PKM: variants seen among roughly 807,000 people sequenced by gnomAD.
The protein encoded by PKM is pyruvate kinase PKM.
Under a neutral mutation model 49.8 loss-of-function variants are expected in PKM, and 18 were observed. The observed-to-expected ratio is 0.36, with a 90% CI of 0.25 to 0.54. The LOEUF is 0.54. Ranked by LOEUF, PKM falls within the 20% of genes least tolerant of loss-of-function variation. The pLI is 0.89. For missense variants in PKM, 508 were observed against 713.8 expected, an observed-to-expected ratio of 0.71 and a Z score of 3.28; for synonymous variants, 239 against 261.8, an observed-to-expected ratio of 0.91 and a Z score of 0.84.
At chr15:72,199,956 C>T (rs541368818) in intron 10 of PKM, among the ~76,000 whole-genome samples, 200 bp from the exon 11 acceptor site, 1 of 152,244 alleles carries the variant, frequency 6.6e-6, no homozygotes, top group East Asian at 1.9e-4. Flanking sequence ...GCAGGGTTGG[C>T]AGGGACCTTT....
chr15:72,219,134 G>A (rs1411838857), intron 1 of PKM, 24 bp from the exon 2 acceptor site: 2 of 1,605,438 alleles, frequency 1.2e-6, no homozygotes, highest in African/African-American at 1.3e-5. Flanking sequence ...AATTGAAAGA[G>A]AGTGGTAAGA....
chr15:72,231,004 C>A (rs2082850984), intron 1 of PKM, 112 bp downstream of exon 1: 1 of 1,247,716 alleles, frequency 8.0e-7, no homozygotes, highest in Non-Finnish European at 1.0e-6. Context: ...CGCCCTGGAT[C>A]CTGCGCCGCC....
chr15:72,228,662 T>A (rs1330816230), intron 1 of PKM: 1 of 1,280,806 alleles, frequency 7.8e-7, no homozygotes, highest in East Asian at 5.6e-5. Flanking sequence ...ACAGATTTGG[T>A]GATACGTTAC....
chr15:72,216,446 C>A (rs1290733359), intron 3 of PKM, among the ~76,000 whole-genome samples: 1 of 152,030 alleles, frequency 6.6e-6, no homozygotes, highest in African/African-American at 2.4e-5. Flanking sequence ...TATAGTGAGA[C>A]CTCATTTCCC....
chr15:72,209,011 T>A, intron 5 of PKM, 120 bp from the exon 6 acceptor site: 2 of 1,114,008 alleles, frequency 1.8e-6, no homozygotes, highest in Non-Finnish European at 2.6e-6. Flanking sequence ...GCTGGAGCTG[T>A]TTTACCAGAG....
intron 1 of PKM, among the ~76,000 whole-genome samples, chr15:72,226,372 C>CAA (rs8192378): frequency 6.6e-6 from 1 of 151,412 alleles, no homozygotes; most frequent in African/African-American, 2.4e-5. Flanking sequence ...CTAAAAAATA[C>CAA]AAAAAAAATC....
Position 72,230,851 on chromosome 15 carries a change from C to T in PKM, c.-14+265G>A, listed in dbSNP as rs764456845. 1.1e-5 allele frequency: 12 copies of T among 1,055,726 alleles called. No individual in the cohort carries two copies. In the African/African-American group the frequency reaches 1.5e-4, roughly 13 times the overall value. The allele number at this position is 1,055,726 out of a possible 1,614,324, so 65.4% of individuals were successfully genotyped here. On this transcript the variant is annotated intron_variant, in intron 1 of 10. Coordinates refer to ENST00000335181, the MANE Select transcript of PKM (RefSeq NM_002654.6). ...TTGGGGCAGGAGGAAGAGGATGGGACCAGAATGAGGGGGTAGGGCTGGGGC... is the reference window on the plus strand; with the variant it reads ...TTGGGGCAGGAGGAAGAGGATGGGATCAGAATGAGGGGGTAGGGCTGGGGC...
rs1311833321 is a variant in PKM at position 72,206,800 on chromosome 15, G to A, written c.1068C>T (p.Ala356=). 15 of 1,613,966 alleles carry A rather than the reference G, an allele frequency of 9.3e-6. No individual in the cohort carries two copies. The highest frequency in any genetic ancestry group is 1.7e-4 in the Middle Eastern group (1 of 6,056). ...TTTCTCCAGACAGCATGATGCAGTC[G>A]GCTCCATCCAGGACTGCATTGGCCA... ...SDVANAVLDG[A]DCIMLSGETA... Residue 356 remains alanine, a synonymous_variant, in exon 8 of 11, where the codon GCC becomes GCT. Coordinates refer to ENST00000335181, the MANE Select transcript of PKM (RefSeq NM_002654.6).
upstream of PKM, chr15:72,231,237 G>A: frequency 6.1e-6 from 1 of 163,796 alleles, no homozygotes; most frequent in Non-Finnish European, 1.4e-5. Flanking sequence ...GCGGGCCGCC[G>A]CAATCCCTCC....
chr15:72,206,564 G>C (rs1215768989), intron 8 of PKM, 164 bp downstream of exon 8: 2 of 655,964 alleles, frequency 3.0e-6, no homozygotes, highest in African/African-American at 3.7e-5. Context: ...AAAAAAAAAA[G>C]CCACCTCCAC....
chr15:72,228,826 T>A, intron 1 of PKM: 1 of 328,092 alleles, frequency 3.0e-6, no homozygotes, highest in Non-Finnish European at 6.1e-6. Flanking sequence ...GACGGCCAAC[T>A]GGGGGCTACT....
At position 72,206,063 on chromosome 15, in the gene PKM, C is replaced by T. The variant is rs1045990121; in HGVS notation, c.1140+665G>A. Among the ~76,000 whole-genome samples the T allele has an allele frequency of 9.9e-5, 15 of 152,224 alleles. No homozygotes were observed. In the South Asian group the frequency reaches 1.2e-3, roughly 13 times the overall value. On this transcript the variant is annotated intron_variant, in intron 8 of 10. Coordinates refer to ENST00000335181, the MANE Select transcript of PKM (RefSeq NM_002654.6). ...GGCCGCCAGGGTCAGCCACCCTCCC[C>T]GCTGTCTCTATCTGTGGCCCTGCCA...
At chr15:72,210,196 A>C (rs1392494374) in intron 4 of PKM, 151 bp downstream of exon 4, 1 of 831,720 alleles carries the variant, frequency 1.2e-6, no homozygotes, top group Non-Finnish European at 1.9e-6. Context: ...CATTGTTTAC[A>C]GTGATGAATA....
intron 7 of PKM, 80 bp downstream of exon 7, chr15:72,207,047 G>A: frequency 6.4e-7 from 1 of 1,556,078 alleles, no homozygotes; most frequent in Non-Finnish European, 8.9e-7. Context: ...TCCATGGGAA[G>A]AGATCAGACA....
chr15:72,204,280 A>C (rs2082017723), intron 8 of PKM: 2 of 152,258 alleles, frequency 1.3e-5, no homozygotes, highest in African/African-American at 4.8e-5. Context: ...CAGAAAGGAA[A>C]GGTCTAGCCA....
intron 7 of PKM, 100 bp downstream of exon 7, chr15:72,207,027 G>A (rs956262421): frequency 2.0e-5 from 30 of 1,501,858 alleles, no homozygotes; most frequent in East Asian, 6.8e-5. Context: ...TGTGTGTTAC[G>A]TGCGACAATT....
chr15:72,203,286 G>C, intron 8 of PKM: 3 of 1,125,414 alleles, frequency 2.7e-6, no homozygotes, highest in Admixed American at 3.4e-5. Flanking sequence ...ATTTATCAGA[G>C]AGGAAGGTAA....
chr15:72,217,271 C>T lies in PKM; in HGVS notation c.246+138G>A, dbSNP rs564529260. On this transcript the variant is annotated intron_variant, in intron 3 of 10. Coordinates refer to ENST00000335181, the MANE Select transcript of PKM (RefSeq NM_002654.6). ...AAGAGGGAAGGAGAGTAGGGATGGG[C>T]TAGTAAAGACAAACTTCACACTGAC... The T allele has an allele frequency of 1.0e-5, 7 of 687,476 alleles. No individual in the cohort carries two copies. The African/African-American group carries it at 1.2e-4, about 12-fold the overall frequency. 42.6% of individuals were successfully genotyped at this position (687,476 alleles called of 1,614,324 possible).
At position 72,202,851 on chromosome 15, in the gene PKM, G is replaced by A; in HGVS notation, c.1141-231C>T. On this transcript the variant is annotated intron_variant, in intron 8 of 10. Transcript: ENST00000335181. This position sits in a 1 kb window ranked among gnomAD's most constrained non-coding sequence, Gnocchi z 4.5. ...GCCTGTGACATCTACTGTGCCTACT[G>A]AGCCACAGGACCCTTTGGTCCTGCC... is the stretch of plus-strand genomic sequence containing the variant. 2.7e-6 allele frequency: 2 copies of A among 753,018 alleles called. No homozygotes were observed. Among genetic ancestry groups the A allele is most frequent in the Non-Finnish European group, 4.6e-6 (2 of 437,222 alleles). The allele number at this position is 753,018 out of a possible 1,614,324, so 46.6% of individuals were successfully genotyped here. A position where few individuals can be genotyped will look rare whatever the true frequency, so the allele number is the denominator to read the frequency against.
Sources: gnomAD v4.1 joint callset for allele counts (sites outside exome capture counted in the v4.1 genomes callset) on GRCh38, gnomAD v4.1.1 for gene constraint, Gnocchi (gnomAD v3.1) non-coding constraint, MANE v1.5 for transcripts, NCBI Gene and HGNC (gene_info 2026-07-23, HGNC 2026-07-21) for gene names.